Variants in KCNH1 observed in about 807,000 individuals in gnomAD.
The protein encoded by KCNH1 is voltage-gated delayed rectifier potassium channel KCNH1.
A neutral mutation model predicts 69.2 loss-of-function variants in KCNH1; 27 were observed. The ratio of observed to expected loss-of-function variants is 0.39; its 90% CI spans 0.29 to 0.54. KCNH1 has a LOEUF of 0.54. KCNH1 is among the 20% of genes least tolerant of loss of function. KCNH1 has a pLI of 0.68. For synonymous variants in KCNH1, 456 were observed against 487.7 expected, an observed-to-expected ratio of 0.93 and a Z score of 0.86; for missense variants, 798 against 1,261.6, an observed-to-expected ratio of 0.63 and a Z score of 5.57.
intron 7 of KCNH1, among the ~76,000 whole-genome samples, chr1:210,851,355 C>T (rs148392424): frequency 0.013 from 2,044 of 152,312 alleles, 74 homozygotes; most frequent in Admixed American, 0.072. Flanking sequence ...ATCATCCCAA[C>T]AGTGTGGTAG....
At chr1:210,861,063 C>CCTTCCTCTTA in intron 7 of KCNH1, 1 of 941,816 alleles carries the variant, frequency 1.1e-6, no homozygotes, top group Non-Finnish European at 1.7e-6. Flanking sequence ...TGAAGTACCT[C>CCTTCCTCTTA]CTTCCTCTTA....
At chr1:211,093,174 T>C (rs1691087051) in intron 3 of KCNH1, among the ~76,000 whole-genome samples, 2 of 152,162 alleles carry the variant, frequency 1.3e-5, no homozygotes, top group South Asian at 4.1e-4. Context: ...ATGTTTCATT[T>C]GACTACAGGG....
At chr1:210,770,209 G>T (rs1174423490) in intron 10 of KCNH1, among the ~76,000 whole-genome samples, 17 of 152,004 alleles carry the variant, frequency 1.1e-4, no homozygotes, top group Non-Finnish European at 4.4e-5. Flanking sequence ...TTTGGGGTGT[G>T]GGGGGGTCAA....
chr1:211,056,280 GGGGCCTA>G (rs1243052175), intron 5 of KCNH1, among the ~76,000 whole-genome samples: 2 of 152,010 alleles, frequency 1.3e-5, no homozygotes, highest in Non-Finnish European at 2.9e-5. Context: ...TACTTGCCAA[GGGGCCTA>G]GGGTGGTGGT....
chr1:210,982,714 G>C (rs548901529), intron 6 of KCNH1, among the ~76,000 whole-genome samples: 1 of 152,252 alleles, frequency 6.6e-6, no homozygotes, highest in African/African-American at 2.4e-5. Flanking sequence ...ATTGTGAATA[G>C]TGCCGCAATA....
chr1:210,788,942 C>A (rs547006765), intron 9 of KCNH1, among the ~76,000 whole-genome samples: 1 of 148,656 alleles, frequency 6.7e-6, no homozygotes, highest in African/African-American at 2.6e-5. Context: ...GTGATCCGCC[C>A]GCCTCGGCCT....
chr1:211,087,076 G>T (rs1012288709), intron 4 of KCNH1, among the ~76,000 whole-genome samples: 5 of 152,114 alleles, frequency 3.3e-5, no homozygotes, highest in African/African-American at 7.2e-5. Flanking sequence ...ATTGAAGGGG[G>T]TGTGGGGCCT....
At chr1:211,012,826 G>T (rs1176815294) in intron 6 of KCNH1, among the ~76,000 whole-genome samples, 1 of 152,130 alleles carries the variant, frequency 6.6e-6, no homozygotes, top group African/African-American at 2.4e-5. Flanking sequence ...GCTCATCAAT[G>T]ATGACAAGTA....
chr1:210,803,405 C>T (rs752298684), intron 8 of KCNH1, among the ~76,000 whole-genome samples: 1 of 152,172 alleles, frequency 6.6e-6, no homozygotes, highest in Admixed American at 6.5e-5. Flanking sequence ...TCTGGCCTGA[C>T]ATCATGGGAT....
At chr1:211,106,971 G>T (rs191855906) in intron 2 of KCNH1, among the ~76,000 whole-genome samples, 1 of 152,056 alleles carries the variant, frequency 6.6e-6, no homozygotes, top group Non-Finnish European at 1.5e-5. Flanking sequence ...CTAAAATGCC[G>T]TAACTTTTGA....
intron 6 of KCNH1, among the ~76,000 whole-genome samples, chr1:211,016,201 A>G (rs1041113720): frequency 6.6e-6 from 1 of 152,118 alleles, no homozygotes; most frequent in African/African-American, 2.4e-5. Flanking sequence ...GTTTGGAAGG[A>G]GTTCCAACCC....
intron 6 of KCNH1, among the ~76,000 whole-genome samples, chr1:210,975,422 C>T (rs1056013130): frequency 1.1e-4 from 16 of 152,174 alleles, no homozygotes; most frequent in African/African-American, 3.1e-4. Context: ...TGGAACAGAA[C>T]AGAGCCTTCA....
At position 210,930,104 on chromosome 1, in the gene KCNH1, G is replaced by C. The variant is rs529037164; in HGVS notation, c.1033-10035C>G. On this transcript the variant is annotated intron_variant, in intron 6 of 10. Coordinates refer to ENST00000271751, the MANE Select transcript of KCNH1 (RefSeq NM_172362.3). ...CCAATATCATGAAAATGACCACGCT[G>C]TCAAAAACAATCTACAAAGTCAATG... is the stretch of plus-strand genomic sequence containing the variant. Among the ~76,000 whole-genome samples, 29 of 152,248 alleles carry C rather than the reference G, an allele frequency of 1.9e-4. 1 individual carries two copies. In the South Asian group the frequency reaches 5.8e-3, roughly 30 times the overall value.
At chr1:211,131,653 T>C (rs1048703420) in intron 1 of KCNH1, among the ~76,000 whole-genome samples, 12 of 152,304 alleles carry the variant, frequency 7.9e-5, no homozygotes, top group African/African-American at 2.4e-4. Context: ...TAAAATAATA[T>C]AATGCATGCA....
intron 7 of KCNH1, among the ~76,000 whole-genome samples, chr1:210,812,523 A>T (rs967588987): frequency 6.6e-6 from 1 of 152,112 alleles, no homozygotes; most frequent in African/African-American, 2.4e-5. Context: ...CTTTTTTGCC[A>T]AAAAAGAAAA....
intron 6 of KCNH1, among the ~76,000 whole-genome samples, chr1:210,975,368 C>A (rs1034772383): frequency 6.6e-6 from 1 of 152,154 alleles, no homozygotes; most frequent in Non-Finnish European, 1.5e-5. Context: ...GCTACAGTAA[C>A]CAAAACAGCA....
chr1:211,058,140 A>G (rs1052358982), intron 5 of KCNH1, among the ~76,000 whole-genome samples: 3 of 152,228 alleles, frequency 2.0e-5, no homozygotes, highest in African/African-American at 7.2e-5. Flanking sequence ...TGAAGAAAAA[A>G]TAAATATTTT....
rs61588045 is a variant in KCNH1, at chr1:210,840,400, A to G, written c.1463-36234T>C. 6.4e-3 allele frequency among the ~76,000 whole-genome samples: 972 copies of G among 152,330 alleles called. 9 individuals carry two copies. Among genetic ancestry groups the G allele is most frequent in the African/African-American group, 0.022 (914 of 41,576 alleles). On this transcript the variant is annotated intron_variant, in intron 7 of 10. Transcript: ENST00000271751. ...AAGAAAATATATCATGAGGCAAAAG[A>G]AAGAAAAAAGCCAAGGAAAGAAACC... is the stretch of plus-strand genomic sequence containing the variant.
At chr1:210,772,902 C>G (rs1683779903) in intron 10 of KCNH1, among the ~76,000 whole-genome samples, 1 of 152,182 alleles carries the variant, frequency 6.6e-6, no homozygotes, top group Non-Finnish European at 1.5e-5. Context: ...GTCTTCTCTT[C>G]TGCAGAGCTA....
Sources: allele counts gnomAD v4.1 joint callset (sites outside exome capture counted in the v4.1 genomes callset), GRCh38; gene constraint gnomAD v4.1.1; transcripts MANE v1.5; gene names NCBI Gene and HGNC (gene_info 2026-07-23, HGNC 2026-07-21).